Variants in TTC4 observed in about 807,000 individuals in gnomAD.
The protein encoded by TTC4 is hsp70/Hsp90 co-chaperone CNS1 homolog.
Under a neutral mutation model 51.9 loss-of-function variants are expected in TTC4, and 36 were observed. The ratio of observed to expected loss-of-function variants is 0.69; its 90% CI spans 0.53 to 0.92. The LOEUF (loss-of-function observed/expected upper bound fraction) is 0.92. Ranked by LOEUF, TTC4 falls within the 40% of genes least tolerant of loss-of-function variation. TTC4 has a pLI of 0.00. For missense variants in TTC4, 399 were observed against 454.6 expected (o/e 0.88, Z 1.11); for synonymous variants, 144 against 164.2 (o/e 0.88, Z 0.94).
chr1:54,739,037 A>ATT (rs557597436), intron 9 of TTC4, among the ~76,000 whole-genome samples: 9 of 144,534 alleles, frequency 6.2e-5, no homozygotes, highest in South Asian at 2.2e-4. Flanking sequence ...CTTATTTTGA[A>ATT]TTTTTTTTTT....
At chr1:54,716,122 GC>G in intron 1 of TTC4, 103 bp downstream of exon 1, 1 of 929,594 alleles carries the variant, frequency 1.1e-6, no homozygotes, top group Non-Finnish European at 1.7e-6. Flanking sequence ...CCCTGGCGCT[GC>G]CAGCCGATCG....
intron 3 of TTC4, among the ~76,000 whole-genome samples, chr1:54,719,398 G>A (rs1645716622): frequency 6.7e-6 from 1 of 148,834 alleles, no homozygotes; most frequent in Non-Finnish European, 1.5e-5. Context: ...TCAGTTACTT[G>A]TTCCTTTGTT....
intron 6 of TTC4, among the ~76,000 whole-genome samples, 160 bp from the exon 7 acceptor site, chr1:54,731,326 G>A (rs1247373289): frequency 1.3e-5 from 2 of 151,950 alleles, no homozygotes; most frequent in Non-Finnish European, 2.9e-5. Flanking sequence ...CGTGCAGCCT[G>A]GGCAATATAG....
intron 9 of TTC4, among the ~76,000 whole-genome samples, chr1:54,739,798 C>T (rs530849459): frequency 7.3e-4 from 111 of 152,312 alleles, no homozygotes; most frequent in African/African-American, 2.4e-3. Context: ...GGGCCATACA[C>T]GAAGGCCTGA....
intron 9 of TTC4, among the ~76,000 whole-genome samples, chr1:54,740,228 TG>T (rs1263562986): frequency 6.6e-6 from 1 of 152,080 alleles, no homozygotes; most frequent in Non-Finnish European, 1.5e-5. Flanking sequence ...TACTGTTCAG[TG>T]GTGAGGCCTG....
At chr1:54,720,885 T>C (rs1451432643) in intron 3 of TTC4, among the ~76,000 whole-genome samples, 1 of 152,210 alleles carries the variant, frequency 6.6e-6, no homozygotes, top group Admixed American at 6.5e-5. Flanking sequence ...TAGATATTAT[T>C]TGTCTAACTT....
intron 2 of TTC4, 131 bp from the exon 3 acceptor site, chr1:54,717,361 C>A (rs1182326704): frequency 1.4e-6 from 1 of 737,722 alleles, no homozygotes; most frequent in Non-Finnish European, 1.9e-6. Context: ...ATCATAACAT[C>A]GAGTTTCCTT....
Position 54,728,430 on chromosome 1 carries a change from AAGGTG to A in TTC4, c.681+1_681+5del. On this transcript the variant is annotated splice_donor_variant and splice_donor_region_variant and coding_sequence_variant and intron_variant, in exon 6 of 10. Transcript: ENST00000371281. LOFTEE classifies it high-confidence loss of function. ...GAATGAGGCTTTACTCCAGGCCATC[AAGGTG>A]AGTTCTTAAACCTTAGGTTTTTATG... The A allele has an allele frequency of 6.2e-7, 1 of 1,612,022 alleles. No homozygotes were observed. The highest frequency in any genetic ancestry group is 8.5e-7 in the Non-Finnish European group (1 of 1,178,720).
intron 5 of TTC4, among the ~76,000 whole-genome samples, 200 bp downstream of exon 5, chr1:54,722,999 A>G (rs1336087457): frequency 2.0e-5 from 3 of 152,224 alleles, no homozygotes; most frequent in African/African-American, 7.2e-5. Context: ...TGGTGTGTAT[A>G]GTGGTAGTAC....
rs769400974 is a variant in TTC4 at position 54,721,221 on chromosome 1, C to A, written c.450C>A (p.His150Gln). 1 of 1,613,294 alleles carries A rather than the reference C, an allele frequency of 6.2e-7. No homozygotes were observed. Among genetic ancestry groups the A allele is most frequent in the South Asian group, 1.1e-5 (1 of 91,066 alleles). The change falls in exon 4 of 10, where the codon CAC becomes CAA. Residue 150 changes from histidine to glutamine, a missense_variant. Around this residue, in one of 3 missense-constraint regions of TTC4, gnomAD observed 316 missense variants for 349.6 expected, o/e 0.90. Coordinates refer to ENST00000371281, the MANE Select transcript of TTC4 (RefSeq NM_004623.5). Reference protein sequence around the residue: ...VTAARKLKPCHLKAIIRGALC... With the variant: ...VTAARKLKPCQLKAIIRGALC... ...CTGCCAGAAAGCTAAAACCCTGCCA[C>A]CTCAAAGCAATAATAAGAGGTAAGT... is the stretch of plus-strand genomic sequence containing the variant.
chr1:54,718,505 C>T (rs1380892198), intron 3 of TTC4, among the ~76,000 whole-genome samples: 1 of 151,974 alleles, frequency 6.6e-6, no homozygotes, highest in Non-Finnish European at 1.5e-5. Context: ...CCTCAGCCTC[C>T]CAAAGTATTG....
intron 9 of TTC4, among the ~76,000 whole-genome samples, chr1:54,741,045 T>A (rs1186168821): frequency 1.3e-5 from 2 of 152,210 alleles, no homozygotes; most frequent in Non-Finnish European, 2.9e-5. Context: ...CCTCCAGGAC[T>A]GAATTTGAGA....
chr1:54,732,168 C>T (rs967439027), intron 7 of TTC4, among the ~76,000 whole-genome samples: 12 of 151,664 alleles, frequency 7.9e-5, no homozygotes, highest in African/African-American at 2.9e-4. Flanking sequence ...CCAGTCTCTA[C>T]TAAAAATACA....
chr1:54,725,164 G>A (rs576564502), intron 5 of TTC4, among the ~76,000 whole-genome samples: 4 of 152,188 alleles, frequency 2.6e-5, no homozygotes, highest in South Asian at 4.2e-4. Flanking sequence ...GGAAGACCCC[G>A]CTCACAGGGC....
rs145357557 is a variant in TTC4, at chr1:54,739,807, G to T, written c.1062-1604G>T. 1.9e-3 allele frequency among the ~76,000 whole-genome samples: 288 copies of T among 152,344 alleles called. 1 individual carries two copies. Among genetic ancestry groups the T allele is most frequent in the African/African-American group, 6.3e-3 (260 of 41,582 alleles). ...AAGTTAGGGCCATACACGAAGGCCT[G>T]AATGCCCTGCTAAGGAGCGTAAACT... is the stretch of plus-strand genomic sequence containing the variant. On this transcript the variant is annotated intron_variant, in intron 9 of 9. Coordinates refer to ENST00000371281, the MANE Select transcript of TTC4 (RefSeq NM_004623.5).
At position 54,728,289 on chromosome 1, in the gene TTC4, T is replaced by A. The variant is rs1202890287; in HGVS notation, c.595-57T>A. The A allele has an allele frequency of 8.0e-6, 12 of 1,500,688 alleles. No homozygotes were observed. In the East Asian group the frequency reaches 2.6e-4, roughly 33 times the overall value. 93.0% of individuals were successfully genotyped at this position (1,500,688 alleles called of 1,614,324 possible). On this transcript the variant is annotated intron_variant, in intron 5 of 9. Coordinates refer to ENST00000371281, the MANE Select transcript of TTC4 (RefSeq NM_004623.5). ...AGATAATAATTTAGGAGCAGGCTAG[T>A]GCAATAGAAGAGGAAGCCAGGTCTC...
chr1:54,718,823 C>T (rs1238520840), intron 3 of TTC4, among the ~76,000 whole-genome samples: 1 of 151,506 alleles, frequency 6.6e-6, no homozygotes, highest in African/African-American at 2.4e-5. Context: ...ACAGGGGTCT[C>T]GCTATGTTGC....
At chr1:54,721,055 T>C in intron 3 of TTC4, 108 bp from the exon 4 acceptor site, 2 of 1,051,256 alleles carry the variant, frequency 1.9e-6, no homozygotes, top group Non-Finnish European at 2.8e-6. Context: ...GTTGCTCTCA[T>C]TTGTATTTCC....
At chr1:54,726,676 T>G (rs75647825) in intron 5 of TTC4, among the ~76,000 whole-genome samples, 4 of 152,140 alleles carry the variant, frequency 2.6e-5, no homozygotes, top group African/African-American at 9.7e-5. Context: ...TGAAAGAAAT[T>G]AAAGAAGACC....
Sources: allele counts gnomAD v4.1 joint callset (sites outside exome capture counted in the v4.1 genomes callset), GRCh38; gene constraint gnomAD v4.1.1; regional missense constraint gnomAD v4.1.1; transcripts MANE v1.5; gene names NCBI Gene and HGNC (gene_info 2026-07-23, HGNC 2026-07-21).